The following INO80D variants were observed in gnomAD, a reference collection of about 807,000 sequenced individuals.
The protein encoded by INO80D is INO80 complex subunit D.
In INO80D, 21 loss-of-function variants were observed where a neutral mutation model predicts 87.6. The observed-to-expected ratio is 0.24, with a 90% CI of 0.17 to 0.35. The LOEUF (loss-of-function observed/expected upper bound fraction) is 0.35. Among genes scored for constraint, INO80D ranks in the 10% least tolerant of loss-of-function variants. INO80D has a pLI of 1.00. For synonymous variants in INO80D, 440 were observed against 491.0 expected (o/e 0.90, Z 1.37); for missense variants, 982 against 1,280.7 (o/e 0.77, Z 3.56).
At chr2:206,027,710 CA>C (rs1688654963) in intron 6 of INO80D, among the ~76,000 whole-genome samples, 1 of 151,410 alleles carries the variant, frequency 6.6e-6, no homozygotes, top group Non-Finnish European at 1.5e-5. Context: ...TCTCTAAAAA[CA>C]AAAAAATGAA....
rs1242073095 is a variant in INO80D, at chr2:206,001,405, A to C, written c.*2963T>G. The C allele has an allele frequency of 8.5e-5, 13 of 152,252 alleles. No homozygotes were observed. The highest frequency in any genetic ancestry group is 8.5e-4 in the Admixed American group (13 of 15,278). 9.4% of individuals were successfully genotyped at this position (152,252 alleles called of 1,614,324 possible). Reference sequence around the variant, plus strand: ...CCCAAAGAACTGCAGAAACAGAGTGAAACTTCTTTGCCACTATTTCTCCTG... The same window carrying C: ...CCCAAAGAACTGCAGAAACAGAGTGCAACTTCTTTGCCACTATTTCTCCTG... On this transcript the variant is annotated 3_prime_UTR_variant, in exon 11 of 11. Coordinates refer to ENST00000403263, the MANE Select transcript of INO80D (RefSeq NM_017759.5).
At position 206,028,061 on chromosome 2, in the gene INO80D, G is replaced by A. The variant is rs1014856433; in HGVS notation, c.1298+50C>T. ...CTCAACTATCCTCTCACAAAATAAA[G>A]AAAGCAAACTGAGATGAGTCCCTTA... On this transcript the variant is annotated intron_variant, in intron 6 of 10. Coordinates refer to ENST00000403263, the MANE Select transcript of INO80D (RefSeq NM_017759.5). The A allele has an allele frequency of 1.5e-5, 20 of 1,307,876 alleles. No homozygotes were observed. The African/African-American group carries it at 2.7e-4, about 17-fold the overall frequency. 81.0% of individuals were successfully genotyped at this position (1,307,876 alleles called of 1,614,324 possible).
intron 4 of INO80D, among the ~76,000 whole-genome samples, chr2:206,050,977 C>T (rs777894293): frequency 6.9e-6 from 1 of 145,038 alleles, no homozygotes; most frequent in Non-Finnish European, 1.6e-5. Flanking sequence ...TCAACAACAA[C>T]AACAAAAATT....
chr2:206,077,790 T>C (rs1247921798), intron 1 of INO80D, among the ~76,000 whole-genome samples: 1 of 152,114 alleles, frequency 6.6e-6, no homozygotes, highest in Admixed American at 6.6e-5. Flanking sequence ...GAATTCCACA[T>C]ACACTTTTCC....
chr2:206,058,883 C>A (rs1689604755), intron 3 of INO80D, among the ~76,000 whole-genome samples: 1 of 151,938 alleles, frequency 6.6e-6, no homozygotes, highest in Non-Finnish European at 1.5e-5. Context: ...TATGAAGTTC[C>A]AAGAGGAAAC....
intron 1 of INO80D, among the ~76,000 whole-genome samples, chr2:206,077,932 C>A (rs1430878839): frequency 6.6e-6 from 1 of 151,868 alleles, no homozygotes; most frequent in African/African-American, 2.4e-5. Flanking sequence ...CCAATATACT[C>A]CAAGGTTCGT....
At chr2:206,041,139 T>A (rs1361880849) in intron 5 of INO80D, among the ~76,000 whole-genome samples, 1 of 151,988 alleles carries the variant, frequency 6.6e-6, no homozygotes, top group Non-Finnish European at 1.5e-5. Flanking sequence ...AATACAACCA[T>A]AATAAAACAG....
Position 206,085,349 on chromosome 2 carries a change from G to T in INO80D, c.-124+552C>A, listed in dbSNP as rs1677107674. Among the ~76,000 whole-genome samples, 1 of 151,938 alleles carries T rather than the reference G, an allele frequency of 6.6e-6. No homozygotes were observed. The highest frequency in any genetic ancestry group is 1.5e-5 in the Non-Finnish European group (1 of 67,896). On this transcript the variant is annotated intron_variant, in intron 1 of 10. Coordinates refer to ENST00000403263, the MANE Select transcript of INO80D (RefSeq NM_017759.5). This position sits in a 1 kb window ranked among gnomAD's most constrained non-coding sequence, Gnocchi z 4.5. ...TCTGGGGGCCGTCTGCGAGAGACCCGGGGGAAGGGGAGCCGGGCGCCCATT... is the reference window on the plus strand; with the variant it reads ...TCTGGGGGCCGTCTGCGAGAGACCCTGGGGAAGGGGAGCCGGGCGCCCATT...
At chr2:206,070,752 A>G (rs986578948) in intron 1 of INO80D, among the ~76,000 whole-genome samples, 11 of 152,018 alleles carry the variant, frequency 7.2e-5, no homozygotes, top group Non-Finnish European at 8.8e-5. Flanking sequence ...AAACATGTCA[A>G]TTGGTGTTAT....
chr2:206,057,337 TTAAAG>T (rs1368267833), intron 3 of INO80D, among the ~76,000 whole-genome samples: 1 of 152,304 alleles, frequency 6.6e-6, no homozygotes, highest in African/African-American at 2.4e-5. Context: ...TCTAATGCCA[TTAAAG>T]TATTCGGAGA....
chr2:206,042,222 C>T (rs1458105525), intron 5 of INO80D, among the ~76,000 whole-genome samples: 2 of 152,046 alleles, frequency 1.3e-5, no homozygotes, highest in African/African-American at 4.8e-5. Context: ...AAGTGTATAA[C>T]ATGAAGAGTC....
Position 206,011,209 on chromosome 2 carries a change from A to G in INO80D, c.1543-1415T>C, listed in dbSNP as rs367978968. On this transcript the variant is annotated intron_variant, in intron 8 of 10. Coordinates refer to ENST00000403263, the MANE Select transcript of INO80D (RefSeq NM_017759.5). ...AATGCGCAAGGGCCAGTACCCGAAC[A>G]TTGTGCTCAGCATCCATTCCAGGCT... Among the ~76,000 whole-genome samples the G allele has an allele frequency of 8.5e-5, 13 of 152,270 alleles. No individual in the cohort carries two copies. The East Asian group carries it at 2.1e-3, about 25-fold the overall frequency.
intron 5 of INO80D, among the ~76,000 whole-genome samples, chr2:206,029,520 T>C (rs186757930): frequency 7.2e-4 from 110 of 152,360 alleles, no homozygotes; most frequent in African/African-American, 2.6e-3. Context: ...ATACCACACA[T>C]GACACCATGG....
At chr2:206,021,386 C>A (rs1190527988) in intron 6 of INO80D, among the ~76,000 whole-genome samples, 3 of 152,156 alleles carry the variant, frequency 2.0e-5, no homozygotes, top group African/African-American at 7.2e-5. Flanking sequence ...ACTAAGATGT[C>A]TACAAGATTT....
intron 10 of INO80D, among the ~76,000 whole-genome samples, chr2:206,006,761 G>A (rs375523764): frequency 2.0e-5 from 3 of 151,506 alleles, no homozygotes; most frequent in Non-Finnish European, 2.9e-5. Flanking sequence ...AAGAAACAAC[G>A]TTGGGCCAGG....
chr2:206,045,659 C>A (rs1327416605), intron 5 of INO80D, among the ~76,000 whole-genome samples: 1 of 151,866 alleles, frequency 6.6e-6, no homozygotes, highest in African/African-American at 2.4e-5. Flanking sequence ...TGTCAGTATA[C>A]CCCGACAGCT....
rs775504524 is a variant in INO80D, at chr2:206,056,283, G to A, written c.879C>T (p.His293=). The change falls in exon 4 of 11, where the codon CAC becomes CAT. Residue 293 remains histidine, a synonymous_variant. Transcript: ENST00000403263. ...ILMKATAFSP[H]FSCISRLQRL... Reference sequence around the variant, plus strand: ...TCTGCAGTCGGCTTATACATGAGAAGTGTGGAGAGAAGGCTGTGGCTTTCA... The same window carrying A: ...TCTGCAGTCGGCTTATACATGAGAAATGTGGAGAGAAGGCTGTGGCTTTCA... 6.8e-6 allele frequency: 11 copies of A among 1,613,886 alleles called. No homozygotes were observed. In the Admixed American group the frequency reaches 1.5e-4, roughly 22 times the overall value.
intron 1 of INO80D, among the ~76,000 whole-genome samples, chr2:206,066,414 A>C (rs549901631): frequency 1.3e-5 from 2 of 152,350 alleles, no homozygotes; most frequent in South Asian, 4.1e-4. Context: ...ATGATACCCA[A>C]GATATGGAAT....
chr2:206,023,817 T>C (rs1022131809), intron 6 of INO80D, among the ~76,000 whole-genome samples: 6 of 151,972 alleles, frequency 3.9e-5, no homozygotes, highest in Non-Finnish European at 7.4e-5. Flanking sequence ...ATCAAATCAA[T>C]CTGAAAACTA....
Sources: gnomAD v4.1 joint callset for allele counts (sites outside exome capture counted in the v4.1 genomes callset) on GRCh38, gnomAD v4.1.1 for gene constraint, Gnocchi (gnomAD v3.1) non-coding constraint, MANE v1.5 for transcripts, NCBI Gene and HGNC (gene_info 2026-07-23, HGNC 2026-07-21) for gene names.